HTR2A: variants seen among roughly 807,000 people sequenced by gnomAD.
The protein encoded by HTR2A is 5-hydroxytryptamine receptor 2A, also known as 5-HT2 receptor.
A neutral mutation model predicts 31.0 loss-of-function variants in HTR2A; 14 were observed. The observed-to-expected ratio is 0.45, with a 90% CI of 0.30 to 0.71. The LOEUF (loss-of-function observed/expected upper bound fraction) is 0.71, where lower values mean the gene tolerates loss of function less well. Ranked by LOEUF, HTR2A falls within the 30% of genes least tolerant of loss-of-function variation. The probability of loss-of-function intolerance (pLI) is 0.09; values close to 1 mark genes in which losing one functional copy is unlikely to be tolerated. For synonymous variants in HTR2A, 209 were observed against 225.2 expected (o/e 0.93, Z 0.64); for missense variants, 442 against 573.3 (o/e 0.77, Z 2.34).
intron 3 of HTR2A, among the ~76,000 whole-genome samples, chr13:46,858,793 T>G (rs7323079): frequency 0.068 from 10,334 of 152,170 alleles, 402 homozygotes; most frequent in African/African-American, 0.11. Flanking sequence ...GCAAGAATGA[T>G]ATTCAGAGTT....
chr13:46,874,038 T>C (rs1950886902), intron 3 of HTR2A, among the ~76,000 whole-genome samples: 1 of 152,218 alleles, frequency 6.6e-6, no homozygotes, highest in African/African-American at 2.4e-5. Flanking sequence ...ACCTCATTAA[T>C]ATAATGAAAA....
In HTR2A at chr13:46,895,569, A is replaced by C; in HGVS notation, c.338T>G (p.Leu113Arg). 6.2e-7 allele frequency: 1 copy of C among 1,614,188 alleles called. No homozygotes were observed. The highest frequency in any genetic ancestry group is 8.5e-7 in the Non-Finnish European group (1 of 1,180,014). The change falls in exon 2 of 4, where the codon CTG (leucine) becomes CGG (arginine). Residue 113 changes from leucine to arginine, a missense_variant. By Grantham distance (102) the Leu-to-Arg change is moderately radical. This residue lies in a region of HTR2A where 86 missense variants were observed against 179.1 expected (regional missense o/e 0.48). Transcript: ENST00000542664. The surrounding 1 kb of genome is among the most constrained non-coding windows in gnomAD (Gnocchi z 4.4). Reference sequence around the variant, plus strand: ...CATATCAGCTATGGCAAGTGACATCAGGAAATAGTTGGTGGCATTCTGCAG... The same window carrying C: ...CATATCAGCTATGGCAAGTGACATCCGGAAATAGTTGGTGGCATTCTGCAG... Reference protein sequence around the residue: ...KKLQNATNYFLMSLAIADMLL... With the variant: ...KKLQNATNYFRMSLAIADMLL...
chr13:46,878,881 G>A (rs1950937386), intron 3 of HTR2A, among the ~76,000 whole-genome samples: 1 of 151,982 alleles, frequency 6.6e-6, no homozygotes, highest in Non-Finnish European at 1.5e-5. Context: ...AAAAGAATTA[G>A]AAGAAAAAAA....
chr13:46,848,628 A>G (rs985497474), intron 3 of HTR2A, among the ~76,000 whole-genome samples: 2 of 152,246 alleles, frequency 1.3e-5, no homozygotes, highest in Non-Finnish European at 2.9e-5. Context: ...TGAAGAAAAT[A>G]TACTCTATAA....
intron 3 of HTR2A, among the ~76,000 whole-genome samples, chr13:46,889,814 A>G (rs1951036857): frequency 6.6e-6 from 1 of 152,228 alleles, no homozygotes; most frequent in Non-Finnish European, 1.5e-5. Context: ...AACTCAAGAG[A>G]ATATTTGTGC....
chr13:46,835,284 C>G lies in HTR2A; in HGVS notation c.969G>C (p.Lys323Asn). The change falls in exon 4 of 4, where the codon AAG (lysine) becomes AAC (asparagine). Residue 323 changes from lysine to asparagine, a missense_variant. Around this residue, in one of 5 missense-constraint regions of HTR2A, gnomAD observed 174 missense variants for 195.1 expected, o/e 0.89. Coordinates refer to ENST00000542664, the MANE Select transcript of HTR2A (RefSeq NM_000621.5). ...ACAGGAAGAAGACGATGCCCAGCAC[C>G]TTGCATGCCTTTTGCTCATTGCTGA... Reference protein sequence around the residue: ...QSISNEQKACKVLGIVFFLFV... With the variant: ...QSISNEQKACNVLGIVFFLFV... 6.2e-7 allele frequency: 1 copy of G among 1,614,118 alleles called. No homozygotes were observed. Among genetic ancestry groups the G allele is most frequent in the Non-Finnish European group, 8.5e-7 (1 of 1,180,006 alleles).
chr13:46,895,392 A>G lies in HTR2A; in HGVS notation c.412+103T>C. 4.0e-6 allele frequency: 4 copies of G among 989,720 alleles called. No homozygotes were observed. The highest frequency in any genetic ancestry group is 5.4e-5 in the Admixed American group (2 of 36,752). 61.3% of individuals were successfully genotyped at this position (989,720 alleles called of 1,614,324 possible). On this transcript the variant is annotated intron_variant, in intron 2 of 3. Coordinates refer to ENST00000542664, the MANE Select transcript of HTR2A (RefSeq NM_000621.5). This position sits in a 1 kb window ranked among gnomAD's most constrained non-coding sequence, Gnocchi z 4.4. ...CTCTAGTCTATAAACAAAGACTTCT[A>G]TTTATAGTTTGTTTGCCCCCTGAGC...
chr13:46,876,405 T>TATATATATA (rs1491555525), intron 3 of HTR2A, among the ~76,000 whole-genome samples: 23 of 52,862 alleles, frequency 4.4e-4, no homozygotes, highest in Non-Finnish European at 6.3e-4. Flanking sequence ...TATATATATA[T>TATATATATA]TTTTTTTTTT....
chr13:46,891,472 T>C (rs907512684), intron 3 of HTR2A, among the ~76,000 whole-genome samples: 3 of 152,202 alleles, frequency 2.0e-5, no homozygotes, highest in Admixed American at 6.5e-5. Context: ...ACACAAGATA[T>C]AGTATTATTG....
At chr13:46,882,999 G>T (rs1950978104) in intron 3 of HTR2A, among the ~76,000 whole-genome samples, 1 of 152,170 alleles carries the variant, frequency 6.6e-6, no homozygotes, top group African/African-American at 2.4e-5. Context: ...GCTTAGAAGG[G>T]ACAGAGCCAG....
At chr13:46,876,404 ATTTTTTT>A (rs1156826300) in intron 3 of HTR2A, among the ~76,000 whole-genome samples, 5,488 of 70,942 alleles carry the variant, frequency 0.077, 126 homozygotes, top group African/African-American at 0.12. Flanking sequence ...ATATATATAT[ATTTTTTT>A]TTTTTTTTTT....
intron 3 of HTR2A, among the ~76,000 whole-genome samples, chr13:46,873,155 T>G (rs2138229500): frequency 6.6e-6 from 1 of 150,534 alleles, no homozygotes; most frequent in South Asian, 2.1e-4. Flanking sequence ...TTACTTTCTT[T>G]TTTTTTTTTA....
chr13:46,866,463 G>A (rs1253462670), intron 3 of HTR2A, among the ~76,000 whole-genome samples: 2 of 152,230 alleles, frequency 1.3e-5, no homozygotes, highest in Non-Finnish European at 2.9e-5. Context: ...ATGGTGCACA[G>A]TGTAAACAGT....
At chr13:46,863,443 C>T (rs1950794801) in intron 3 of HTR2A, among the ~76,000 whole-genome samples, 1 of 150,888 alleles carries the variant, frequency 6.6e-6, no homozygotes, top group Admixed American at 6.6e-5. Flanking sequence ...GGCAACATAG[C>T]AGCGCCTCAT....
In HTR2A at chr13:46,896,730, C is replaced by G; in HGVS notation, c.-385G>C. 1 of 1,534,804 alleles carries G rather than the reference C, an allele frequency of 6.5e-7. No individual in the cohort carries two copies. The highest frequency in any genetic ancestry group is 8.7e-7 in the Non-Finnish European group (1 of 1,144,798). On this transcript the variant is annotated 5_prime_UTR_variant, in exon 1 of 4. Coordinates refer to ENST00000542664, the MANE Select transcript of HTR2A (RefSeq NM_000621.5). Reference sequence around the variant, plus strand: ...TTTGTTATTCTGTGACTCGCTGCATCTCTCACAGTAATTAAACTGGTGTAG... The same window carrying G: ...TTTGTTATTCTGTGACTCGCTGCATGTCTCACAGTAATTAAACTGGTGTAG...
At chr13:46,848,943 A>G (rs1290728369) in intron 3 of HTR2A, among the ~76,000 whole-genome samples, 2 of 152,236 alleles carry the variant, frequency 1.3e-5, no homozygotes, top group Non-Finnish European at 2.9e-5. Flanking sequence ...GAGATAGGAA[A>G]CTGAAAATAA....
chr13:46,835,344 T>C lies in HTR2A; in HGVS notation c.909A>G (p.Pro303=). 1 of 1,614,124 alleles carries C rather than the reference T, an allele frequency of 6.2e-7. No homozygotes were observed. Among genetic ancestry groups the C allele is most frequent in the Non-Finnish European group, 8.5e-7 (1 of 1,180,006 alleles). ...KLFQRSIHRE[P]GSYTGRRTMQ... is the part of the protein sequence containing the mutation. ...TAGTCCTCCTGCCTGTGTAGGACCC[T>C]GGCTCCCTATGGATCGACCGCTGGA... Residue 303 remains proline, a synonymous_variant, in exon 4 of 4, where the codon CCA becomes CCG. Coordinates refer to ENST00000542664, the MANE Select transcript of HTR2A (RefSeq NM_000621.5).
intron 3 of HTR2A, among the ~76,000 whole-genome samples, chr13:46,882,406 G>T (rs1950974110): frequency 6.6e-6 from 1 of 152,124 alleles, no homozygotes; most frequent in Non-Finnish European, 1.5e-5. Context: ...AATGATGCTG[G>T]GACAATAGGT....
At chr13:46,869,829 G>A (rs1419988426) in intron 3 of HTR2A, among the ~76,000 whole-genome samples, 1 of 152,096 alleles carries the variant, frequency 6.6e-6, no homozygotes, top group Non-Finnish European at 1.5e-5. Context: ...TTGTATAATT[G>A]CACTTGTATA....
Sources: allele counts gnomAD v4.1 joint callset (sites outside exome capture counted in the v4.1 genomes callset), GRCh38; gene constraint gnomAD v4.1.1; regional missense constraint gnomAD v4.1.1; non-coding constraint Gnocchi (gnomAD v3.1); transcripts MANE v1.5; gene names NCBI Gene and HGNC (gene_info 2026-07-23, HGNC 2026-07-21).